Variants in PBX4 observed in about 807,000 individuals in gnomAD.
PBX4 encodes pre-B-cell leukemia transcription factor 4.
A neutral mutation model predicts 35.1 loss-of-function variants in PBX4; 26 were observed. The ratio of observed to expected loss-of-function variants is 0.74; its 90% confidence interval spans 0.54 to 1.03. PBX4 has a LOEUF of 1.03. Among genes scored for constraint, PBX4 ranks in the 50% least tolerant of loss-of-function variants. PBX4 has a pLI of 0.00. For synonymous variants in PBX4, 199 were observed against 204.2 expected, an observed-to-expected ratio of 0.97 and a Z score of 0.22; for missense variants, 448 against 504.3, an observed-to-expected ratio of 0.89 and a Z score of 1.07.
chr19:19,584,244 A>G (rs2061474705), intron 2 of PBX4, among the ~76,000 whole-genome samples: 1 of 152,218 alleles, frequency 6.6e-6, no homozygotes, highest in Non-Finnish European at 1.5e-5. Context: ...ATTCAAAAAA[A>G]TAAAAAACCC....
Position 19,564,158 on chromosome 19 carries a change from A to G in PBX4, c.926-543T>C, listed in dbSNP as rs1261458266. Among the ~76,000 whole-genome samples the G allele has an allele frequency of 1.1e-4, 11 of 103,110 alleles. No homozygotes were observed. The Admixed American group carries it at 1.3e-3, about 12-fold the overall frequency. 67.6% of individuals were successfully genotyped at this position (103,110 alleles called of 152,430 possible). On this transcript the variant is annotated intron_variant, in intron 6 of 7. Transcript: ENST00000251203. ...CCCTCCCCCCTCCCCCCACCCCACA[A>G]CAGTCCCCAGAGTGTGATATTCCCC... is the stretch of plus-strand genomic sequence containing the variant.
intron 1 of PBX4, among the ~76,000 whole-genome samples, chr19:19,610,516 C>T (rs759106507): frequency 5.3e-5 from 8 of 152,052 alleles, no homozygotes; most frequent in South Asian, 2.1e-4. Flanking sequence ...TTGGGGAATC[C>T]GAGGCGGGAT....
At chr19:19,588,655 G>A (rs1224247763) in intron 2 of PBX4, among the ~76,000 whole-genome samples, 2 of 152,140 alleles carry the variant, frequency 1.3e-5, no homozygotes, top group African/African-American at 2.4e-5. Flanking sequence ...GAAGCTTCAG[G>A]AGCTGGGCTA....
chr19:19,570,917 G>A (rs184511722), intron 2 of PBX4, 84 bp from the exon 3 acceptor site: 4 of 1,541,772 alleles, frequency 2.6e-6, no homozygotes, highest in East Asian at 4.5e-5. Context: ...CTGGTGTTAT[G>A]TCTGAAGATT....
At chr19:19,600,588 G>T (rs918053377) in intron 1 of PBX4, among the ~76,000 whole-genome samples, 3 of 151,812 alleles carry the variant, frequency 2.0e-5, no homozygotes, top group Non-Finnish European at 2.9e-5. Flanking sequence ...GGCGGCCGAG[G>T]CGGATGGATC....
chr19:19,613,696 G>A (rs1476861887), intron 1 of PBX4, among the ~76,000 whole-genome samples: 1 of 151,970 alleles, frequency 6.6e-6, no homozygotes, highest in Non-Finnish European at 1.5e-5. Context: ...GACATTCCTG[G>A]GTGTGTCAAA....
At position 19,564,498 on chromosome 19, in the gene PBX4, C is replaced by T. The variant is rs571372279; in HGVS notation, c.925+435G>A. Reference sequence around the variant, plus strand: ...CAGGATGGTCTCTATCTCCTGACCTCGTGATCCGCCCGCCTCGGCCTGGGA... The same window carrying T: ...CAGGATGGTCTCTATCTCCTGACCTTGTGATCCGCCCGCCTCGGCCTGGGA... On this transcript the variant is annotated intron_variant, in intron 6 of 7. Transcript: ENST00000251203. 1.5e-4 allele frequency among the ~76,000 whole-genome samples: 23 copies of T among 152,212 alleles called. No homozygotes were observed. In the East Asian group the frequency reaches 3.1e-3, roughly 21 times the overall value.
chr19:19,566,519 T>C (rs1227107318), intron 5 of PBX4, among the ~76,000 whole-genome samples: 1 of 152,148 alleles, frequency 6.6e-6, no homozygotes, highest in Admixed American at 6.5e-5. Flanking sequence ...GGAAGAGGAT[T>C]GTGGATGACC....
chr19:19,565,493 C>G (rs1034240344), intron 5 of PBX4, among the ~76,000 whole-genome samples: 2 of 152,336 alleles, frequency 1.3e-5, no homozygotes, highest in East Asian at 3.9e-4. Context: ...CCTGGGGACC[C>G]AGTAACTGCG....
At chr19:19,601,346 G>C (rs918487617) in intron 1 of PBX4, among the ~76,000 whole-genome samples, 1 of 152,156 alleles carries the variant, frequency 6.6e-6, no homozygotes, top group Non-Finnish European at 1.5e-5. Flanking sequence ...TGAGTGTTAG[G>C]GGTGAGGGAG....
chr19:19,596,765 A>G (rs990482075), intron 2 of PBX4, among the ~76,000 whole-genome samples: 17 of 152,094 alleles, frequency 1.1e-4, no homozygotes, highest in African/African-American at 4.1e-4. Context: ...CAAAAAATAC[A>G]AAAATTAGCT....
At chr19:19,578,832 T>G (rs2061436348) in intron 2 of PBX4, among the ~76,000 whole-genome samples, 1 of 152,138 alleles carries the variant, frequency 6.6e-6, no homozygotes, top group African/African-American at 2.4e-5. Flanking sequence ...CAGTTAAGGT[T>G]AAATGAGGTC....
intron 3 of PBX4, 82 bp from the exon 4 acceptor site, chr19:19,570,381 G>A (rs926161943): frequency 6.8e-7 from 1 of 1,481,368 alleles, no homozygotes; most frequent in Non-Finnish European, 9.1e-7. Flanking sequence ...CGGAGCAGCC[G>A]CCTGCCACCC....
At chr19:19,568,141 C>T (rs575772246) in intron 5 of PBX4, among the ~76,000 whole-genome samples, 12 of 139,170 alleles carry the variant, frequency 8.6e-5, no homozygotes, top group Admixed American at 2.8e-4. Context: ...GCTCACACTC[C>T]ATCTGTAACC....
chr19:19,588,290 C>A (rs555196975), intron 2 of PBX4: 33 of 1,159,746 alleles, frequency 2.8e-5, no homozygotes, highest in Non-Finnish European at 4.0e-5. Context: ...CATATGCACA[C>A]CAGAGTGCAG....
At chr19:19,597,481 C>T (rs560879726) in intron 2 of PBX4, among the ~76,000 whole-genome samples, 7 of 152,270 alleles carry the variant, frequency 4.6e-5, no homozygotes, top group Admixed American at 1.3e-4. Flanking sequence ...CAGCCAAGGA[C>T]CAGGGTCATG....
chr19:19,605,745 C>T lies in PBX4; in HGVS notation c.120-6380G>A, dbSNP rs577977819. Among the ~76,000 whole-genome samples the T allele has an allele frequency of 1.1e-4, 17 of 151,702 alleles. No homozygotes were observed. In the South Asian group the frequency reaches 2.3e-3, roughly 20 times the overall value. Reference sequence around the variant, plus strand: ...TTGGCCTCACAAAGTGTTAGGATTACAGGCGTGAGCCTTGTTTCTGGCCTG... The same window carrying T: ...TTGGCCTCACAAAGTGTTAGGATTATAGGCGTGAGCCTTGTTTCTGGCCTG... On this transcript the variant is annotated intron_variant, in intron 1 of 7. Coordinates refer to ENST00000251203, the MANE Select transcript of PBX4 (RefSeq NM_025245.3).
At position 19,569,467 on chromosome 19, in the gene PBX4, G is replaced by A. The variant is rs765570036; in HGVS notation, c.750C>T (p.Gly250=). The A allele has an allele frequency of 5.3e-5, 86 of 1,611,716 alleles. No individual in the cohort carries two copies. In the Middle Eastern group the frequency reaches 6.6e-4, roughly 12 times the overall value. ...ACGTCACCTGGGAGATGGTGAGGCC[G>A]CCCTTCCTGGCCAGCTCTTCTTTGG... The part of the protein sequence containing the change: ...EEAKEELARK[G]GLTISQVSNW... Residue 250 remains glycine (G), a synonymous_variant, in exon 5 of 8, where the codon GGC becomes GGT. Coordinates refer to ENST00000251203, the MANE Select transcript of PBX4 (RefSeq NM_025245.3).
intron 2 of PBX4, among the ~76,000 whole-genome samples, chr19:19,587,592 T>TAAAA (rs34647983): frequency 5.5e-5 from 5 of 90,678 alleles, no homozygotes; most frequent in Admixed American, 1.3e-4. Context: ...CGTCTCAAAT[T>TAAAA]AAAAAAAAAA....
Sources: gnomAD v4.1 joint callset for allele counts (sites outside exome capture counted in the v4.1 genomes callset) on GRCh38, gnomAD v4.1.1 for gene constraint, MANE v1.5 for transcripts, NCBI Gene and HGNC (gene_info 2026-07-23, HGNC 2026-07-21) for gene names.